Variants in WDR33 observed in about 807,000 individuals in gnomAD.
WDR33 encodes the protein pre-mRNA 3' end processing protein WDR33.
WDR33 carries 47 observed loss-of-function variants against 164.9 expected under a neutral mutation model. The observed-to-expected ratio is 0.29, with a 90% CI of 0.23 to 0.36. WDR33 has a LOEUF of 0.36. Among genes scored for constraint, WDR33 ranks in the 10% least tolerant of loss-of-function variants. The probability of loss-of-function intolerance (pLI) is 1.00; values close to 1 mark genes in which losing one functional copy is unlikely to be tolerated. For missense variants in WDR33, 1,137 were observed against 1,754.1 expected (o/e 0.65, Z 6.28); for synonymous variants, 505 against 589.0 (o/e 0.86, Z 2.06).
rs764226472 is a variant in WDR33, at chr2:127,714,761, T to G, written c.2870-740A>C. Among the ~76,000 whole-genome samples the G allele has an allele frequency of 1.3e-5, 2 of 152,230 alleles. No individual in the cohort carries two copies. Among genetic ancestry groups the G allele is most frequent in the Non-Finnish European group, 2.9e-5 (2 of 68,046 alleles). On this transcript the variant is annotated intron_variant, in intron 17 of 21. Coordinates refer to ENST00000322313, the MANE Select transcript of WDR33 (RefSeq NM_018383.5). The surrounding 1 kb of genome is among the most constrained non-coding windows in gnomAD (Gnocchi z 4.3). Reference sequence around the variant, plus strand: ...TAAAAATGGAAAGATGCCAGTTAAATGTGTGATGGTTAACTTAGTTCACCT... The same window carrying G: ...TAAAAATGGAAAGATGCCAGTTAAAGGTGTGATGGTTAACTTAGTTCACCT...
Position 127,702,027 on chromosome 2 carries a change from C to A in WDR33, c.*4296G>T. On this transcript the variant is annotated 3_prime_UTR_variant, in exon 22 of 22. Coordinates refer to ENST00000322313, the MANE Select transcript of WDR33 (RefSeq NM_018383.5). ...CGCCGCGCTGGGCCTTCGCAGCACG[C>A]TGCTCACGGTGCTGGGCGCGGGCGC... is the stretch of plus-strand genomic sequence containing the variant. 1 of 1,292,852 alleles carries A rather than the reference C, an allele frequency of 7.7e-7. No homozygotes were observed. The highest frequency in any genetic ancestry group is 2.1e-5 in the South Asian group (1 of 46,932). The allele number at this position is 1,292,852 out of a possible 1,614,324, so 80.1% of individuals were successfully genotyped here.
At position 127,719,462 on chromosome 2, in the gene WDR33, G is replaced by A; in HGVS notation, c.2563C>T (p.Pro855Ser). The A allele has an allele frequency of 1.9e-6, 3 of 1,587,590 alleles. No homozygotes were observed. The highest frequency in any genetic ancestry group is 1.1e-5 in the South Asian group (1 of 88,166). The change falls in exon 16 of 22, where the codon CCT (proline) becomes TCT (serine). Residue 855 changes from proline (P) to serine (S), a missense_variant. By Grantham distance (74) the Pro-to-Ser change is moderately conservative (BLOSUM62 -1). Transcript: ENST00000322313. This position sits in a 1 kb window ranked among gnomAD's most constrained non-coding sequence, Gnocchi z 6.5. Reference protein sequence around the residue: ...MLGPPQELRGPPGSQSQQGPP... With the variant: ...MLGPPQELRGSPGSQSQQGPP... ...CCCTGCTGACTTTGTGAGCCTGGAG[G>A]CCCTCGCAATTCCTGGGGAGGTCCC... is the stretch of plus-strand genomic sequence containing the variant.
At chr2:127,786,176 G>A (rs894919116) in intron 1 of WDR33, among the ~76,000 whole-genome samples, 6 of 152,204 alleles carry the variant, frequency 3.9e-5, no homozygotes, top group African/African-American at 1.2e-4. Flanking sequence ...TAAGCCCACA[G>A]GCATGTGCCA....
At chr2:127,727,747 A>G (rs934452999) in intron 7 of WDR33, among the ~76,000 whole-genome samples, 1 of 152,238 alleles carries the variant, frequency 6.6e-6, no homozygotes, top group Non-Finnish European at 1.5e-5. Flanking sequence ...GATATTTTAC[A>G]TAACAAATAA....
intron 2 of WDR33, among the ~76,000 whole-genome samples, chr2:127,769,434 AAAAC>A (rs879597212): frequency 3.2e-4 from 48 of 152,236 alleles, no homozygotes; most frequent in African/African-American, 9.9e-4. Flanking sequence ...CCATCTCAAA[AAAAC>A]AAACAAACAA....
In WDR33 at chr2:127,709,594, A is replaced by G. The variant is rs1319145663; in HGVS notation, c.3473-12T>C. ...ACCCTTCCTTCCTCCTACACAACAGAGCAAACAATGCTGCACTCAGACTGT... is the reference window on the plus strand; with the variant it reads ...ACCCTTCCTTCCTCCTACACAACAGGGCAAACAATGCTGCACTCAGACTGT... On this transcript the variant is annotated splice_polypyrimidine_tract_variant and intron_variant, in intron 19 of 21. Coordinates refer to ENST00000322313, the MANE Select transcript of WDR33 (RefSeq NM_018383.5). This position sits in a 1 kb window ranked among gnomAD's most constrained non-coding sequence, Gnocchi z 5.0. 6.2e-7 allele frequency: 1 copy of G among 1,612,792 alleles called. No individual in the cohort carries two copies. The highest frequency in any genetic ancestry group is 2.2e-5 in the East Asian group (1 of 44,836).
rs1573880262 is a variant in WDR33, at chr2:127,714,070, A to G, written c.2870-49T>C. On this transcript the variant is annotated intron_variant, in intron 17 of 21. Coordinates refer to ENST00000322313, the MANE Select transcript of WDR33 (RefSeq NM_018383.5). The surrounding 1 kb of genome is among the most constrained non-coding windows in gnomAD (Gnocchi z 4.3). ...TACCATGTCTTCCAGGAAACCTGCC[A>G]ACATAGGTCTGATCTGTAGCATCTC... 3.4e-6 allele frequency: 5 copies of G among 1,471,500 alleles called. No homozygotes were observed. The African/African-American group carries it at 4.2e-5, about 12-fold the overall frequency. 91.2% of individuals were successfully genotyped at this position (1,471,500 alleles called of 1,614,324 possible). A position where few individuals can be genotyped will look rare whatever the true frequency, so the allele number is the denominator to read the frequency against.
intron 7 of WDR33, among the ~76,000 whole-genome samples, chr2:127,757,343 AACCCTACTACACAAACTT>A (rs1687548993): frequency 6.6e-6 from 1 of 152,228 alleles, no homozygotes; most frequent in African/African-American, 2.4e-5. Context: ...AATATTTCAG[AACCCTACTACACAAACTT>A]GTTTAAATAA....
chr2:127,709,200 T>C lies in WDR33; in HGVS notation c.3565+290A>G, dbSNP rs1403958456. ...CTGCGAATATTTACCATATTAGCAA[T>C]TGAGACTGGGGAAATTTTAATTCAC... is the stretch of plus-strand genomic sequence containing the variant. On this transcript the variant is annotated intron_variant, in intron 20 of 21. Coordinates refer to ENST00000322313, the MANE Select transcript of WDR33 (RefSeq NM_018383.5). The surrounding 1 kb of genome is among the most constrained non-coding windows in gnomAD (Gnocchi z 5.0). Among the ~76,000 whole-genome samples, 1 of 152,220 alleles carries C rather than the reference T, an allele frequency of 6.6e-6. No homozygotes were observed. The highest frequency in any genetic ancestry group is 2.4e-5 in the African/African-American group (1 of 41,448).
At chr2:127,795,778 G>A (rs886124588) in intron 1 of WDR33, among the ~76,000 whole-genome samples, 2 of 151,182 alleles carry the variant, frequency 1.3e-5, no homozygotes, top group East Asian at 1.9e-4. Flanking sequence ...AGGCTGCAGC[G>A]AGCTGAGATG....
rs187070666 is a variant in WDR33, at chr2:127,770,649, C to G, written c.204+129G>C. 1.6e-6 allele frequency: 1 copy of G among 622,192 alleles called. No homozygotes were observed. 38.5% of individuals were successfully genotyped at this position (622,192 alleles called of 1,614,324 possible). A position where few individuals can be genotyped will look rare whatever the true frequency, so the allele number is the denominator to read the frequency against. ...GAGGTTGCAGTGAGCCAAAACCACA[C>G]CACTGCACTCTGGCCTGGGCAACAA... On this transcript the variant is annotated intron_variant, in intron 2 of 21. Transcript: ENST00000322313. The surrounding 1 kb of genome is among the most constrained non-coding windows in gnomAD (Gnocchi z 4.9).
rs114188547 is a variant in WDR33 at position 127,805,238 on chromosome 2, C to T, written c.-24+5774G>A. 9.0e-3 allele frequency among the ~76,000 whole-genome samples: 1,367 copies of T among 151,678 alleles called. 21 individuals are homozygous for T. Among genetic ancestry groups the T allele is most frequent in the African/African-American group, 0.03 (1,245 of 41,370 alleles). ...GACTACAGGCGCAGGCCACCAAACCCAGCATTTTTTTTTCTTTTTTTAAAA... is the reference window on the plus strand; with the variant it reads ...GACTACAGGCGCAGGCCACCAAACCTAGCATTTTTTTTTCTTTTTTTAAAA... On this transcript the variant is annotated intron_variant, in intron 1 of 21. Transcript: ENST00000322313.
rs1160361852 is a variant in WDR33, at chr2:127,701,504, C to T, written c.*4819G>A. On this transcript the variant is annotated 3_prime_UTR_variant, in exon 22 of 22. Transcript: ENST00000322313. ...GGGCCGGAAGTGAGCCGCAGCTTTT[C>T]CTTTCTGCCACCGCCTTGTCCAAGA... 1.6e-6 allele frequency: 2 copies of T among 1,284,576 alleles called. No homozygotes were observed. Among genetic ancestry groups the T allele is most frequent in the African/African-American group, 1.5e-5 (1 of 64,902 alleles). The allele number at this position is 1,284,576 out of a possible 1,614,324, so 79.6% of individuals were successfully genotyped here. A position where few individuals can be genotyped will look rare whatever the true frequency, so the allele number is the denominator to read the frequency against.
At position 127,764,145 on chromosome 2, in the gene WDR33, T is replaced by G. The variant is rs1301184971; in HGVS notation, c.626+683A>C. ...AGTTTTACTATACATACCTCACTGA[T>G]GTGTAAAAATATACAACTCACTGAA... On this transcript the variant is annotated intron_variant, in intron 6 of 21. Transcript: ENST00000322313. The surrounding 1 kb of genome is among the most constrained non-coding windows in gnomAD (Gnocchi z 6.2). The G allele has an allele frequency of 2.0e-6, 2 of 1,005,586 alleles. No individual in the cohort carries two copies. The highest frequency in any genetic ancestry group is 8.9e-5 in the South Asian group (2 of 22,582). 62.3% of individuals were successfully genotyped at this position (1,005,586 alleles called of 1,614,324 possible). A position where few individuals can be genotyped will look rare whatever the true frequency, so the allele number is the denominator to read the frequency against.
chr2:127,784,138 C>T (rs1228698254), intron 1 of WDR33, among the ~76,000 whole-genome samples: 1 of 152,052 alleles, frequency 6.6e-6, no homozygotes, highest in Non-Finnish European at 1.5e-5. Flanking sequence ...TTGAAAACAG[C>T]TGCTTTCTCA....
Position 127,789,112 on chromosome 2 carries a change from G to A in WDR33, c.-23-18108C>T, listed in dbSNP as rs1573465334. On this transcript the variant is annotated intron_variant, in intron 1 of 21. Transcript: ENST00000322313. Reference sequence around the variant, plus strand: ...CACATCTCAGACGATGGGCGGCCGGGCAGAGACGCTCCTCACTTCCTAGAT... The same window carrying A: ...CACATCTCAGACGATGGGCGGCCGGACAGAGACGCTCCTCACTTCCTAGAT... Among the ~76,000 whole-genome samples the A allele has an allele frequency of 1.5e-4, 5 of 33,174 alleles. No homozygotes were observed. In the East Asian group the frequency reaches 2.6e-3, roughly 17 times the overall value. 21.8% of individuals were successfully genotyped at this position (33,174 alleles called of 152,430 possible). A position where few individuals can be genotyped will look rare whatever the true frequency, so the allele number is the denominator to read the frequency against.
chr2:127,706,328 G>A lies in WDR33; in HGVS notation c.4006C>T (p.Arg1336Trp), dbSNP rs766762123. ...RGASRGGGRG[R>W] ...AGGGTACTCAGTTCCAGCTTCTACC[G>A]ACCCCTTCCACCACCCCGTGAAGCT... The change falls in exon 22 of 22, where the codon CGG becomes TGG. Residue 1336 changes from arginine to tryptophan, a missense_variant. Coordinates refer to ENST00000322313, the MANE Select transcript of WDR33 (RefSeq NM_018383.5). The surrounding 1 kb of genome is among the most constrained non-coding windows in gnomAD (Gnocchi z 5.1). 7.7e-6 allele frequency: 12 copies of A among 1,560,538 alleles called. No individual in the cohort carries two copies. The highest frequency in any genetic ancestry group is 2.5e-5 in the South Asian group (2 of 81,246).
chr2:127,749,261 G>A (rs1034324959), intron 7 of WDR33, among the ~76,000 whole-genome samples: 2 of 152,322 alleles, frequency 1.3e-5, no homozygotes, highest in Admixed American at 6.5e-5. Context: ...ATAAGCCCAG[G>A]CAGTTGAGGC....
intron 7 of WDR33, among the ~76,000 whole-genome samples, chr2:127,743,918 C>T (rs1687097536): frequency 6.6e-6 from 1 of 151,924 alleles, no homozygotes; most frequent in Admixed American, 6.6e-5. Flanking sequence ...CTGATGACCA[C>T]AAGAATAGAA....
Sources: gnomAD v4.1 joint callset for allele counts (sites outside exome capture counted in the v4.1 genomes callset) on GRCh38, gnomAD v4.1.1 for gene constraint, Gnocchi (gnomAD v3.1) non-coding constraint, MANE v1.5 for transcripts, NCBI Gene and HGNC (gene_info 2026-07-23, HGNC 2026-07-21) for gene names.